ZNF717: variants seen among roughly 807,000 people sequenced by gnomAD.
The protein encoded by ZNF717 is zinc finger protein 717.
Under a neutral mutation model 13.8 loss-of-function variants are expected in ZNF717, and 9 were observed. The ratio of observed to expected loss-of-function variants is 0.65; its 90% CI spans 0.39 to 1.14. The LOEUF is 1.14. Among genes scored for constraint, ZNF717 ranks in the 50% most tolerant of loss-of-function variants. The pLI is 0.01. For synonymous variants in ZNF717, 327 were observed against 364.1 expected (o/e 0.90, Z 1.16); for missense variants, 1,040 against 1,080.7 (o/e 0.96, Z 0.53).
intron 6 of ZNF717, among the ~76,000 whole-genome samples, chr3:75,702,596 C>T (rs1322050285): frequency 1.0e-4 from 15 of 149,778 alleles, no homozygotes; most frequent in Non-Finnish European, 3.0e-5. Context: ...ATAATTTATA[C>T]ATTAAAAAAA....
At chr3:75,784,525 T>G (rs965708943) in intron 1 of ZNF717, among the ~76,000 whole-genome samples, 7 of 152,148 alleles carry the variant, frequency 4.6e-5, no homozygotes, top group Admixed American at 3.9e-4. Context: ...CGAGGAAAGG[T>G]TGAAGGAATG....
intron 6 of ZNF717, among the ~76,000 whole-genome samples, chr3:75,701,930 G>A (rs1937705129): frequency 1.3e-5 from 2 of 152,304 alleles, no homozygotes; most frequent in South Asian, 2.1e-4. Context: ...AACCCAAAAT[G>A]AGATATCATT....
downstream of ZNF717, among the ~76,000 whole-genome samples, chr3:75,731,554 C>T (rs1471980123): frequency 4.9e-5 from 6 of 122,520 alleles, no homozygotes; most frequent in African/African-American, 1.6e-4. Context: ...AAGTGAGAGT[C>T]CATCTCAAAA....
intron 2 of ZNF717, among the ~76,000 whole-genome samples, chr3:75,772,173 T>C (rs942259485): frequency 1.3e-5 from 2 of 152,016 alleles, no homozygotes; most frequent in Admixed American, 1.3e-4. Flanking sequence ...TGAACAGACA[T>C]TGGGATGACC....
chr3:75,734,842 T>TGA (rs1938967755), downstream of ZNF717, among the ~76,000 whole-genome samples: 741 of 99,590 alleles, frequency 7.4e-3, 2 homozygotes, highest in African/African-American at 0.018. Context: ...TTTTTTTTTT[T>TGA]GAGAGAGTCT....
chr3:75,781,595 T>C (rs1347023820), intron 2 of ZNF717, among the ~76,000 whole-genome samples: 1 of 152,190 alleles, frequency 6.6e-6, no homozygotes, highest in Non-Finnish European at 1.5e-5. Flanking sequence ...AGACTCTCCC[T>C]TAGCTGAGAA....
Position 75,737,075 on chromosome 3 carries a change from T to A in ZNF717, c.2548A>T (p.Thr850Ser). ...CTGAGGCCTGACTTCTGGGAGAAAG[T>A]TTTCCTACATTCATTACATCTAAAG... ...KPFRCNECRK[T>S]FSQKSGLSIH... The change falls in exon 5 of 5, where the codon ACT (threonine) becomes TCT (serine). Residue 850 changes from threonine (T) to serine (S), a missense_variant. This residue lies in a region of ZNF717 where 873 missense variants were observed against 832.8 expected (regional missense o/e 1.05). Transcript: ENST00000652011. The A allele has an allele frequency of 6.3e-7, 1 of 1,595,734 alleles. No individual in the cohort carries two copies.
At chr3:75,767,288 T>A (rs1039171734) in intron 2 of ZNF717, among the ~76,000 whole-genome samples, 2 of 81,944 alleles carry the variant, frequency 2.4e-5, no homozygotes, top group Admixed American at 1.3e-4. Flanking sequence ...ACCGCTGTGC[T>A]TTCAAACAAT....
chr3:75,750,779 T>C (rs1941696533), intron 2 of ZNF717, among the ~76,000 whole-genome samples: 1 of 151,778 alleles, frequency 6.6e-6, no homozygotes, highest in Non-Finnish European at 1.5e-5. Context: ...CCTCCTGTGG[T>C]CTGAATTTCT....
intron 2 of ZNF717, among the ~76,000 whole-genome samples, chr3:75,771,997 G>A (rs1277925140): frequency 1.3e-5 from 2 of 152,338 alleles, no homozygotes; most frequent in South Asian, 4.1e-4. Context: ...CCAGCCCCCT[G>A]TCACCTCGCC....
At chr3:75,735,768 T>C (rs1197053634), downstream of ZNF717, 1 of 151,438 alleles carries the variant, frequency 6.6e-6, no homozygotes, top group Non-Finnish European at 1.5e-5. Context: ...GAAAATGATA[T>C]GGCAAAATTA....
intron 2 of ZNF717, among the ~76,000 whole-genome samples, chr3:75,774,200 A>AAAAGGAAAGAAAG (rs1944125373): frequency 2.1e-5 from 3 of 144,356 alleles, no homozygotes; most frequent in Non-Finnish European, 4.6e-5. Context: ...AAAAAAAAAA[A>AAAAGGAAAGAAAG]AAAGGAAAAA....
chr3:75,710,728 A>C (rs1575715925), exon 6 of ZNF717: 2 of 152,282 alleles, frequency 1.3e-5, no homozygotes, highest in East Asian at 1.9e-4. Flanking sequence ...GGCTTTAGTA[A>C]CAGAGCAGCT....
chr3:75,711,007 G>A (rs1937926767), exon 6 of ZNF717: 2 of 152,142 alleles, frequency 1.3e-5, no homozygotes, highest in African/African-American at 4.8e-5. Context: ...GGCCTGCCAG[G>A]AAGTGACAAT....
intron 5 of ZNF717, among the ~76,000 whole-genome samples, chr3:75,713,677 A>G (rs1937990503): frequency 6.6e-6 from 1 of 152,184 alleles, no homozygotes; most frequent in South Asian, 2.1e-4. Flanking sequence ...TAATGTAGGG[A>G]CCAGCCCCAC....
At chr3:75,762,332 T>C (rs1361615595) in intron 2 of ZNF717, among the ~76,000 whole-genome samples, 1 of 151,362 alleles carries the variant, frequency 6.6e-6, no homozygotes, top group East Asian at 2.0e-4. Flanking sequence ...TCCCAGCTAC[T>C]TGAGAGGCTG....
chr3:75,762,187 C>T (rs1406618739), intron 2 of ZNF717, among the ~76,000 whole-genome samples: 1 of 151,966 alleles, frequency 6.6e-6, no homozygotes, highest in Non-Finnish European at 1.5e-5. Flanking sequence ...GCCTGCAATC[C>T]CAGCACTATG....
chr3:75,771,179 C>G (rs1265470160), intron 2 of ZNF717, among the ~76,000 whole-genome samples: 2 of 152,326 alleles, frequency 1.3e-5, no homozygotes, highest in East Asian at 3.9e-4. Flanking sequence ...GCTGAGTGTT[C>G]AGCTGTGTTC....
chr3:75,784,819 G>A (rs996548281), intron 1 of ZNF717: 10 of 151,904 alleles, frequency 6.6e-5, no homozygotes, highest in African/African-American at 2.4e-4. Flanking sequence ...GCACCAGTGG[G>A]AGGTTAGACC....
Sources: gnomAD v4.1 joint callset for allele counts (sites outside exome capture counted in the v4.1 genomes callset) on GRCh38, gnomAD v4.1.1 for gene constraint, gnomAD v4.1.1 regional missense constraint, MANE v1.5 for transcripts, NCBI Gene and HGNC (gene_info 2026-07-23, HGNC 2026-07-21) for gene names.